Variants in CCM2L observed in about 807,000 individuals in gnomAD.
CCM2L encodes the protein cerebral cavernous malformations 2 protein-like.
Under a neutral mutation model 54.1 loss-of-function variants are expected in CCM2L, and 36 were observed. That is an observed-to-expected ratio of 0.67 (90% CI 0.51 to 0.88). The LOEUF (loss-of-function observed/expected upper bound fraction) is 0.88. Ranked by LOEUF, CCM2L falls within the 40% of genes least tolerant of loss-of-function variation. The probability of loss-of-function intolerance (pLI) is 0.00; values close to 1 mark genes in which losing one functional copy is unlikely to be tolerated. For synonymous variants in CCM2L, 351 were observed against 359.3 expected, an observed-to-expected ratio of 0.98 and a Z score of 0.26; for missense variants, 700 against 812.1, an observed-to-expected ratio of 0.86 and a Z score of 1.68.
At chr20:32,019,511 C>G in intron 5 of CCM2L, 102 bp downstream of exon 5, 1 of 838,322 alleles carries the variant, frequency 1.2e-6, no homozygotes, top group Non-Finnish European at 1.7e-6. Context: ...TAGGATCTGC[C>G]CCTGCCTTCT....
chr20:32,021,046 T>G (rs1324829556), intron 5 of CCM2L, among the ~76,000 whole-genome samples: 2 of 152,154 alleles, frequency 1.3e-5, no homozygotes, highest in African/African-American at 2.4e-5. Flanking sequence ...TGCCCCATTT[T>G]CTCTCACCTG....
chr20:32,030,958 AG>A (rs758481947), intron 9 of CCM2L, 42 bp from the exon 10 acceptor site: 2 of 1,294,748 alleles, frequency 1.5e-6, no homozygotes, highest in South Asian at 2.5e-5. Context: ...TGGAAGGGAA[AG>A]GGAACGTGTC....
Position 32,019,126 on chromosome 20 carries a change from G to C in CCM2L, c.650G>C (p.Gly217Ala). ...GGGGGCGCCGCGGAGGCCCGGGCCG[G>C]GGGAGGCGGCGGCGGCAGCTTGGAG... The part of the protein sequence containing the change: ...WGGGAAEARA[G>A]GGGGGSLERQ... The change falls in exon 5 of 10, where the codon GGG (glycine) becomes GCG (alanine). Residue 217 changes from glycine to alanine, a missense_variant. By Grantham distance (60) the Gly-to-Ala change is moderately conservative (BLOSUM62 0). Transcript: ENST00000452892. 1 of 1,154,300 alleles carries C rather than the reference G, an allele frequency of 8.7e-7. No individual in the cohort carries two copies. Among genetic ancestry groups the C allele is most frequent in the African/African-American group, 1.6e-5 (1 of 61,240 alleles). The allele number at this position is 1,154,300 out of a possible 1,614,324, so 71.5% of individuals were successfully genotyped here. A position where few individuals can be genotyped will look rare whatever the true frequency, so the allele number is the denominator to read the frequency against.
chr20:32,010,560 T>TGGGGGGCAAAGGGGGGGGGGGG, intron 1 of CCM2L, 76 bp downstream of exon 1: 3 of 105,742 alleles, frequency 2.8e-5, no homozygotes, highest in Non-Finnish European at 5.4e-5. Context: ...TGGGGCGGGG[T>TGGGGGGCAAAGGGGGGGGGGGG]GGGGGGTCGG....
chr20:32,023,820 C>T (rs138720019), intron 6 of CCM2L, among the ~76,000 whole-genome samples: 2,325 of 152,324 alleles, frequency 0.015, 55 homozygotes, highest in African/African-American at 0.053. Context: ...CAACCTCTGC[C>T]TCCCGGTTCA....
rs1287873285 is a variant in CCM2L, at chr20:32,019,360, C to T, written c.884C>T (p.Pro295Leu). Residue 295 changes from proline (P) to leucine (L), a missense_variant, in exon 5 of 10, where the codon CCC (proline) becomes CTC (leucine). By Grantham distance (98) the Pro-to-Leu change is moderately conservative. Coordinates refer to ENST00000452892, the MANE Select transcript of CCM2L (RefSeq NM_001365692.1). The part of the protein sequence containing the change: ...PGPNPLDPQD[P>L]SPDAYCNLVI... ...CCCAACCCGCTCGACCCGCAGGACC[C>T]CAGCCCCGACGCCTACTGCAACCTG... 50 of 1,514,432 alleles carry T rather than the reference C, an allele frequency of 3.3e-5. No individual in the cohort carries two copies. The highest frequency in any genetic ancestry group is 4.2e-5 in the Non-Finnish European group (48 of 1,138,852). 93.8% of individuals were successfully genotyped at this position (1,514,432 alleles called of 1,614,324 possible). A position where few individuals can be genotyped will look rare whatever the true frequency, so the allele number is the denominator to read the frequency against.
chr20:32,025,073 TTCTTTCTTTCTC>T (rs1376134344), intron 6 of CCM2L, among the ~76,000 whole-genome samples: 1 of 147,026 alleles, frequency 6.8e-6, no homozygotes, highest in Non-Finnish European at 1.5e-5. Context: ...CTTTCTTTCT[TTCTTTCTTTCTC>T]TCTTTCTTTT....
chr20:32,010,744 A>T (rs139652666), intron 1 of CCM2L, among the ~76,000 whole-genome samples: 108 of 152,208 alleles, frequency 7.1e-4, no homozygotes, highest in Non-Finnish European at 1.2e-3. Flanking sequence ...AGACGGACTC[A>T]GTTTGGGAGA....
At chr20:32,028,640 T>G in intron 7 of CCM2L, 2 of 227,656 alleles carry the variant, frequency 8.8e-6, no homozygotes, top group Non-Finnish European at 1.8e-5. Flanking sequence ...CCTAGGGGAA[T>G]TAGGGAACAC....
In CCM2L at chr20:32,031,415, GC is replaced by G; in HGVS notation, c.*103del. 3.9e-6 allele frequency: 4 copies of G among 1,031,494 alleles called. No individual in the cohort carries two copies. The South Asian group carries it at 6.5e-5, about 17-fold the overall frequency. 63.9% of individuals were successfully genotyped at this position (1,031,494 alleles called of 1,614,324 possible). On this transcript the variant is annotated 3_prime_UTR_variant, in exon 10 of 10. Coordinates refer to ENST00000452892, the MANE Select transcript of CCM2L (RefSeq NM_001365692.1). ...GGGCCCCCCCATCACACCTGGCGGG[GC>G]CGGGGGGTCTTCACTCCAGGGTCTC...
chr20:32,015,582 C>T (rs941619234), intron 2 of CCM2L, among the ~76,000 whole-genome samples: 3 of 152,200 alleles, frequency 2.0e-5, no homozygotes, highest in Admixed American at 2.0e-4. Context: ...TGAGCAGTTG[C>T]TGTCCTTGCA....
chr20:32,026,012 T>C, intron 7 of CCM2L, 93 bp downstream of exon 7: 1 of 921,376 alleles, frequency 1.1e-6, no homozygotes, highest in Non-Finnish European at 1.5e-6. Flanking sequence ...GACCCAACCT[T>C]GATGTGTGCT....
At chr20:32,015,938 C>A (rs2122321930) in intron 2 of CCM2L, among the ~76,000 whole-genome samples, 1 of 147,898 alleles carries the variant, frequency 6.8e-6, no homozygotes, top group South Asian at 2.1e-4. Context: ...CTCACTGTAA[C>A]CTCCGCCTCC....
At position 32,017,996 on chromosome 20, in the gene CCM2L, G is replaced by A. The variant is rs752580271; in HGVS notation, c.300G>A (p.Pro100=). The change falls in exon 4 of 10, where the codon CCG becomes CCA. Residue 100 remains proline, a synonymous_variant. Coordinates refer to ENST00000452892, the MANE Select transcript of CCM2L (RefSeq NM_001365692.1). Reference sequence around the variant, plus strand: ...CCCTGCAGCAGCTGAAGGAGCTGCCGCTGAAGACCACGGCGGAGCAGGACA... The same window carrying A: ...CCCTGCAGCAGCTGAAGGAGCTGCCACTGAAGACCACGGCGGAGCAGGACA... ...LDTARQLKEL[P]LKTTAEQDSI... is the part of the protein sequence containing the mutation. The A allele has an allele frequency of 5.6e-6, 9 of 1,613,626 alleles. No individual in the cohort carries two copies. Among genetic ancestry groups the A allele is most frequent in the Non-Finnish European group, 4.2e-6 (5 of 1,179,942 alleles).
At chr20:32,029,618 T>C (rs1296610855) in intron 8 of CCM2L, 82 bp from the exon 9 acceptor site, 60 of 1,495,206 alleles carry the variant, frequency 4.0e-5, no homozygotes, top group Non-Finnish European at 5.4e-5. Context: ...AACATGCCCT[T>C]AGGGAAGGCT....
intron 3 of CCM2L, 42 bp from the exon 4 acceptor site, chr20:32,017,937 A>G (rs774961836): frequency 6.2e-7 from 1 of 1,612,960 alleles, no homozygotes; most frequent in East Asian, 2.2e-5. Flanking sequence ...TCCCTCTTCT[A>G]CCTGCGGACC....
At chr20:32,011,295 A>T (rs2064693133) in intron 1 of CCM2L, among the ~76,000 whole-genome samples, 1 of 152,186 alleles carries the variant, frequency 6.6e-6, no homozygotes, top group South Asian at 2.1e-4. Context: ...TAAAGCAATA[A>T]ATAAGTTAAT....
At position 32,032,175 on chromosome 20, in the gene CCM2L, A is replaced by T. The variant is rs1178566084; in HGVS notation, c.*861A>T. 6.6e-6 allele frequency: 1 copy of T among 152,232 alleles called. No individual in the cohort carries two copies. The highest frequency in any genetic ancestry group is 2.4e-5 in the African/African-American group (1 of 41,450). 9.4% of individuals were successfully genotyped at this position (152,232 alleles called of 1,614,324 possible). A position where few individuals can be genotyped will look rare whatever the true frequency, so the allele number is the denominator to read the frequency against. On this transcript the variant is annotated 3_prime_UTR_variant, in exon 10 of 10. Coordinates refer to ENST00000452892, the MANE Select transcript of CCM2L (RefSeq NM_001365692.1). The stretch of plus-strand genomic sequence containing the variant: ...CTCAATAAATGTTGTTCCTTTCCAC[A>T]TCAAACATTTTATGACTCAGTTTAC...
chr20:32,018,185 C>T, intron 4 of CCM2L, 23 bp downstream of exon 4: 2 of 352,898 alleles, frequency 5.7e-6, no homozygotes, highest in Non-Finnish European at 3.3e-6. Flanking sequence ...GGGGCGGGGG[C>T]GGGGGAGGGG....
Sources: gnomAD v4.1 joint callset for allele counts (sites outside exome capture counted in the v4.1 genomes callset) on GRCh38, gnomAD v4.1.1 for gene constraint, MANE v1.5 for transcripts, NCBI Gene and HGNC (gene_info 2026-07-23, HGNC 2026-07-21) for gene names.